The following CUL4B variants were observed in gnomAD, a reference collection of about 807,000 sequenced individuals.
CUL4B encodes the protein cullin-4B.
CUL4B carries 1 observed loss-of-function variant against 69.2 expected under a neutral mutation model. That is an observed-to-expected ratio of 0.01 (90% CI 0.01 to 0.07). The LOEUF (loss-of-function observed/expected upper bound fraction) is 0.07. CUL4B is among the 10% of genes least tolerant of loss of function. The probability of loss-of-function intolerance (pLI) is 1.00; values close to 1 mark genes in which losing one functional copy is unlikely to be tolerated. For synonymous variants in CUL4B, 237 were observed against 223.2 expected, an observed-to-expected ratio of 1.06 and a Z score of -0.55; for missense variants, 328 against 638.8, an observed-to-expected ratio of 0.51 and a Z score of 5.24.
At chrX:120,529,955 G>T in intron 19 of CUL4B, 147 bp downstream of exon 19, 1 of 539,401 alleles carries the variant, frequency 1.9e-6, no homozygotes, top group African/African-American at 2.3e-5. Flanking sequence ...TTTTTTTTTG[G>T]AAATCATATG....
At chrX:120,528,137 T>C (rs770459009) in intron 19 of CUL4B, among the ~76,000 whole-genome samples, 88 of 111,887 alleles carry the variant, frequency 7.9e-4, no homozygotes, top group Non-Finnish European at 1.5e-3. Flanking sequence ...CCGGGTGTGG[T>C]GGCTCATGCC....
chrX:120,574,337 A>C (rs932385784), intron 2 of CUL4B, among the ~76,000 whole-genome samples: 1 of 109,892 alleles, frequency 9.1e-6, no homozygotes, highest in African/African-American at 3.3e-5. Context: ...AAGCCTCCTG[A>C]GTAGCTGGGA....
At chrX:120,545,379 A>T in intron 5 of CUL4B, 65 bp downstream of exon 5, 4 of 741,533 alleles carry the variant, frequency 5.4e-6, no homozygotes, top group Non-Finnish European at 8.3e-6. Flanking sequence ...ATACACTTTC[A>T]TTAGTGTAAT....
In CUL4B at chrX:120,525,635, G is replaced by A. The variant is rs1922928859; in HGVS notation, c.*1126C>T. On this transcript the variant is annotated 3_prime_UTR_variant, in exon 20 of 20. Coordinates refer to ENST00000371322, the MANE Select transcript of CUL4B (RefSeq NM_001079872.2). ...CACAGAATCTCAAATTCCCAAACAG[G>A]GGCTCTGTGGGAAAAATGAGGGAGG... The A allele has an allele frequency of 9.0e-6, 1 of 111,104 alleles. No homozygotes were observed. The highest frequency in any genetic ancestry group is 3.3e-5 in the African/African-American group (1 of 30,598). 9.2% of individuals were successfully genotyped at this position (111,104 alleles called of 1,213,427 possible).
downstream of CUL4B, among the ~76,000 whole-genome samples, chrX:120,570,735 G>C (rs905703836): frequency 1.4e-4 from 16 of 112,314 alleles, no homozygotes; most frequent in African/African-American, 4.8e-4. Context: ...ATACTATACA[G>C]CATTGAACAA....
chrX:120,541,869 T>G, intron 9 of CUL4B, 149 bp from the exon 10 acceptor site: 1 of 462,353 alleles, frequency 2.2e-6, no homozygotes, highest in Non-Finnish European at 3.9e-6. Flanking sequence ...AATGTAAGAT[T>G]TCCTTTGAAT....
chrX:120,531,803 G>A (rs1331296758), intron 18 of CUL4B, among the ~76,000 whole-genome samples: 1 of 111,225 alleles, frequency 9.0e-6, no homozygotes, highest in African/African-American at 3.3e-5. Context: ...AATCAATTCA[G>A]ATTTTTCACC....
At chrX:120,543,989 A>T (rs1264710269) in intron 7 of CUL4B, 125 bp downstream of exon 7, 1 of 572,849 alleles carries the variant, frequency 1.7e-6, no homozygotes, top group Non-Finnish European at 3.0e-6. Context: ...AAAAGAAAGG[A>T]GCACCTAAGT....
rs1222792627 is a variant in CUL4B, at chrX:120,525,514, A to G, written c.*1247T>C. 8.9e-6 allele frequency: 1 copy of G among 111,874 alleles called. No homozygotes were observed. The highest frequency in any genetic ancestry group is 3.2e-5 in the African/African-American group (1 of 30,821). 9.2% of individuals were successfully genotyped at this position (111,874 alleles called of 1,213,427 possible). A position where few individuals can be genotyped will look rare whatever the true frequency, so the allele number is the denominator to read the frequency against. On this transcript the variant is annotated 3_prime_UTR_variant, in exon 20 of 20. Transcript: ENST00000371322. The stretch of plus-strand genomic sequence containing the variant: ...AAAAACAGTACTTTTGCCATTTTGT[A>G]TATATAAACAATCTTGGGACATTCT...
Position 120,560,749 on chromosome X carries a change from GA to G in CUL4B, c.-112del, listed in dbSNP as rs1925242967. The G allele has an allele frequency of 1.1e-6, 1 of 902,130 alleles. No homozygotes were observed. The highest frequency in any genetic ancestry group is 2.5e-5 in the South Asian group (1 of 40,597). 74.3% of individuals were successfully genotyped at this position (902,130 alleles called of 1,213,427 possible). ...TAGAGGGGGAAGGGAAGAAAGAAGA[GA>G]GGAGAAACACAGAGGACGAGAAGGA... On this transcript the variant is annotated 5_prime_UTR_variant, in exon 1 of 20. Coordinates refer to ENST00000371322, the MANE Select transcript of CUL4B (RefSeq NM_001079872.2).
chrX:120,532,621 T>C, intron 17 of CUL4B, 27 bp from the exon 18 acceptor site: 1 of 1,153,180 alleles, frequency 8.7e-7, no homozygotes. Flanking sequence ...GGTTTAGTTA[T>C]TTGTTACCAG....
At chrX:120,566,369 A>ATATATATATATATATATATATATG (rs1925537558), upstream of CUL4B, among the ~76,000 whole-genome samples, 1 of 56,465 alleles carries the variant, frequency 1.8e-5, no homozygotes, top group African/African-American at 5.3e-5. Context: ...ATATATATAT[A>ATATATATATATATATATATATATG]TATATATATA....
At chrX:120,548,735 G>A (rs1301138675) in intron 2 of CUL4B, among the ~76,000 whole-genome samples, 1 of 110,572 alleles carries the variant, frequency 9.0e-6, no homozygotes, top group Non-Finnish European at 1.9e-5. Context: ...TCAGGAGGCT[G>A]AGGCAGGAGA....
At position 120,557,729 on chromosome X, in the gene CUL4B, C is replaced by T. The variant is rs746243519; in HGVS notation, c.672+195G>A. Among the ~76,000 whole-genome samples the T allele has an allele frequency of 3.6e-5, 4 of 111,544 alleles. No homozygotes were observed. The South Asian group carries it at 1.5e-3, about 42-fold the overall frequency. ...TCAGGAGGGTCAAATATAAGCACAA[C>T]TTATACTGGTATGACTGTACCCATG... On this transcript the variant is annotated intron_variant, in intron 2 of 19. Coordinates refer to ENST00000371322, the MANE Select transcript of CUL4B (RefSeq NM_001079872.2).
At chrX:120,532,716 C>A in intron 17 of CUL4B, 122 bp from the exon 18 acceptor site, 2 of 648,827 alleles carry the variant, frequency 3.1e-6, no homozygotes, top group South Asian at 4.6e-5. Context: ...CAAAGGTCAC[C>A]AACAACTTTT....
At chrX:120,563,596 G>A (rs879132536), upstream of CUL4B, among the ~76,000 whole-genome samples, 1 of 111,880 alleles carries the variant, frequency 8.9e-6, no homozygotes, top group South Asian at 3.7e-4. Flanking sequence ...TTCCTTTATC[G>A]TGTCTCACAG....
chrX:120,527,880 C>T (rs1166229511), intron 19 of CUL4B, among the ~76,000 whole-genome samples: 3 of 111,918 alleles, frequency 2.7e-5, no homozygotes, highest in Non-Finnish European at 3.8e-5. Context: ...CATATTGTTA[C>T]GGAATACTTT....
chrX:120,554,169 T>C (rs1358368933), intron 2 of CUL4B, among the ~76,000 whole-genome samples: 2 of 112,262 alleles, frequency 1.8e-5, no homozygotes, highest in Non-Finnish European at 3.8e-5. Flanking sequence ...CACATACCAA[T>C]ATATAGCAGG....
chrX:120,561,469 T>G (rs1448249502), upstream of CUL4B: 204 of 279,925 alleles, frequency 7.3e-4, no homozygotes, highest in Admixed American at 1.1e-3. Flanking sequence ...AGGGAGAAAT[T>G]GGGGGGAAGA....
Sources: allele counts gnomAD v4.1 joint callset (sites outside exome capture counted in the v4.1 genomes callset), GRCh38; gene constraint gnomAD v4.1.1; transcripts MANE v1.5; gene names NCBI Gene and HGNC (gene_info 2026-07-23, HGNC 2026-07-21).